ALK: variants seen among roughly 807,000 people sequenced by gnomAD.
ALK encodes ALK receptor tyrosine kinase.
In ALK, 74 loss-of-function variants were observed where a neutral mutation model predicts 163.1. The observed-to-expected ratio is 0.45, with a 90% CI of 0.38 to 0.55. The LOEUF (loss-of-function observed/expected upper bound fraction) is 0.55. ALK is among the 20% of genes least tolerant of loss of function. The probability of loss-of-function intolerance (pLI) is 0.00; values close to 1 mark genes in which losing one functional copy is unlikely to be tolerated. For missense variants in ALK, 2,063 were observed against 2,105.3 expected (o/e 0.98, Z 0.39); for synonymous variants, 960 against 843.2 (o/e 1.14, Z -2.40).
At chr2:29,234,220 T>C (rs1405063828) in intron 13 of ALK, among the ~76,000 whole-genome samples, 1 of 152,052 alleles carries the variant, frequency 6.6e-6, no homozygotes, top group African/African-American at 2.4e-5. Flanking sequence ...AAAGGTCCTA[T>C]GTGGTGAGAT....
chr2:29,651,702 G>A (rs1677040524), intron 3 of ALK, among the ~76,000 whole-genome samples: 1 of 152,158 alleles, frequency 6.6e-6, no homozygotes, highest in Non-Finnish European at 1.5e-5. Flanking sequence ...GACAACTTGA[G>A]AGTCGTTCTC....
chr2:29,865,477 C>A (rs2148409083), intron 1 of ALK, among the ~76,000 whole-genome samples: 1 of 152,310 alleles, frequency 6.6e-6, no homozygotes, highest in South Asian at 2.1e-4. Context: ...CTTCTTTTGC[C>A]TTTCAGCTGC....
intron 3 of ALK, among the ~76,000 whole-genome samples, chr2:29,562,080 C>T (rs1225268883): frequency 6.6e-6 from 1 of 152,164 alleles, no homozygotes; most frequent in Non-Finnish European, 1.5e-5. Flanking sequence ...TAACCAATCC[C>T]CTTCCCAACT....
chr2:29,531,629 C>A (rs551174045), intron 4 of ALK, among the ~76,000 whole-genome samples: 1 of 152,236 alleles, frequency 6.6e-6, no homozygotes, highest in East Asian at 1.9e-4. Flanking sequence ...TTGGCTGTAT[C>A]TGAACTTTGG....
At chr2:29,550,823 T>C (rs1209141784) in intron 3 of ALK, among the ~76,000 whole-genome samples, 1 of 152,198 alleles carries the variant, frequency 6.6e-6, no homozygotes, top group Admixed American at 6.5e-5. Context: ...TCCATTTTGG[T>C]TTTTTATTTC....
chr2:29,440,833 T>C (rs1474509366), intron 4 of ALK, among the ~76,000 whole-genome samples: 1 of 152,238 alleles, frequency 6.6e-6, no homozygotes, highest in Non-Finnish European at 1.5e-5. Flanking sequence ...GACTTTCTTT[T>C]AGATTATCAT....
chr2:29,671,097 G>A (rs996929155), intron 3 of ALK, among the ~76,000 whole-genome samples: 1 of 152,004 alleles, frequency 6.6e-6, no homozygotes, highest in African/African-American at 2.4e-5. Context: ...TGAAAGATCA[G>A]TTTTTTATTC....
intron 23 of ALK, among the ~76,000 whole-genome samples, chr2:29,218,794 C>T (rs1669707737): frequency 6.6e-6 from 1 of 152,272 alleles, no homozygotes; most frequent in African/African-American, 2.4e-5. Flanking sequence ...CCCCCACTGA[C>T]AGCAGTGCTG....
intron 1 of ALK, among the ~76,000 whole-genome samples, chr2:29,718,326 T>C (rs1442841336): frequency 3.9e-5 from 6 of 152,212 alleles, no homozygotes; most frequent in Admixed American, 3.9e-4. Context: ...GAAGCATTAT[T>C]CCTGTCCTTA....
chr2:29,566,036 C>T (rs779157431), intron 3 of ALK, among the ~76,000 whole-genome samples: 2 of 152,014 alleles, frequency 1.3e-5, no homozygotes, highest in East Asian at 1.9e-4. Context: ...GGAGATGCTC[C>T]GTATGAGAGG....
At chr2:29,915,781 C>A (rs954415366) in intron 1 of ALK, among the ~76,000 whole-genome samples, 2 of 152,160 alleles carry the variant, frequency 1.3e-5, no homozygotes, top group African/African-American at 4.8e-5. Flanking sequence ...TTGTCATATA[C>A]CCTCACCCAT....
chr2:29,776,220 T>A (rs1681171151), intron 1 of ALK, among the ~76,000 whole-genome samples: 1 of 68,648 alleles, frequency 1.5e-5, no homozygotes. Flanking sequence ...GCAATGGAAT[T>A]TTGTTAAAAA....
intron 1 of ALK, among the ~76,000 whole-genome samples, chr2:29,847,131 G>A (rs1665864950): frequency 6.6e-6 from 1 of 152,144 alleles, no homozygotes; most frequent in Non-Finnish European, 1.5e-5. Context: ...GGATTGCCAA[G>A]AGAAGCCGTG....
intron 2 of ALK, among the ~76,000 whole-genome samples, chr2:29,714,452 T>C (rs1280040926): frequency 6.6e-6 from 1 of 152,196 alleles, no homozygotes; most frequent in African/African-American, 2.4e-5. Flanking sequence ...TATTAGCCTC[T>C]TTCCACCTTG....
intron 4 of ALK, among the ~76,000 whole-genome samples, chr2:29,513,445 T>C (rs1160748907): frequency 1.4e-5 from 2 of 146,906 alleles, no homozygotes; most frequent in Admixed American, 6.8e-5. Context: ...TGGCTAGCCA[T>C]ATGTAGAAAG....
At chr2:29,679,826 T>G (rs1204464330) in intron 3 of ALK, among the ~76,000 whole-genome samples, 1 of 152,014 alleles carries the variant, frequency 6.6e-6, no homozygotes, top group Non-Finnish European at 1.5e-5. Flanking sequence ...GCTCCTGGTA[T>G]GATTCATTTC....
rs915711213 is a variant in ALK at position 29,222,250 on chromosome 2, G to A, written c.3515+94C>T. ...AAAGGGGACATGCTAGGGACAACACGATTTCCCTTGGAGATATCGATCTGT... is the reference window on the plus strand; with the variant it reads ...AAAGGGGACATGCTAGGGACAACACAATTTCCCTTGGAGATATCGATCTGT... On this transcript the variant is annotated intron_variant, in intron 22 of 28. Transcript: ENST00000389048. 27 of 1,155,366 alleles carry A rather than the reference G, an allele frequency of 2.3e-5. No individual in the cohort carries two copies. In the African/African-American group the frequency reaches 2.6e-4, roughly 11 times the overall value. The allele number at this position is 1,155,366 out of a possible 1,614,324, so 71.6% of individuals were successfully genotyped here.
At chr2:29,347,903 G>C (rs941866843) in intron 5 of ALK, among the ~76,000 whole-genome samples, 2 of 152,198 alleles carry the variant, frequency 1.3e-5, no homozygotes, top group African/African-American at 4.8e-5. Flanking sequence ...CGATTCAGTA[G>C]ATCTAGGATA....
intron 1 of ALK, among the ~76,000 whole-genome samples, chr2:29,875,403 T>C (rs1195443151): frequency 1.3e-5 from 2 of 152,190 alleles, no homozygotes. Context: ...AAAATATTTC[T>C]TTTTTTACCA....
Sources: allele counts gnomAD v4.1 joint callset (sites outside exome capture counted in the v4.1 genomes callset), GRCh38; gene constraint gnomAD v4.1.1; transcripts MANE v1.5; gene names NCBI Gene and HGNC (gene_info 2026-07-23, HGNC 2026-07-21).